The following ELMO1 variants were observed in gnomAD, a reference collection of about 807,000 sequenced individuals.
ELMO1 encodes engulfment and cell motility 1, also known as engulfment and cell motility protein 1.
In ELMO1, 26 loss-of-function variants were observed where a neutral mutation model predicts 98.9. The observed-to-expected ratio is 0.26, with a 90% CI of 0.19 to 0.36. ELMO1 has a LOEUF of 0.36. ELMO1 is among the 10% of genes least tolerant of loss of function. The probability of loss-of-function intolerance (pLI) is 1.00; values close to 1 mark genes in which losing one functional copy is unlikely to be tolerated. For missense variants in ELMO1, 627 were observed against 935.2 expected (o/e 0.67, Z 4.30); for synonymous variants, 346 against 346.0 (o/e 1.00, Z 0.00).
intron 16 of ELMO1, among the ~76,000 whole-genome samples, chr7:36,925,377 C>G (rs1785483965): frequency 6.6e-6 from 1 of 152,238 alleles, no homozygotes. Context: ...CCCAGCCCCT[C>G]AGATCCTCCC....
intron 1 of ELMO1, among the ~76,000 whole-genome samples, chr7:37,390,983 C>T (rs895278896): frequency 2.6e-5 from 4 of 151,786 alleles, no homozygotes; most frequent in African/African-American, 9.7e-5. Context: ...AAGCCCAAAT[C>T]AGGTATATTC....
At chr7:37,203,160 T>G (rs1052329938) in intron 13 of ELMO1, among the ~76,000 whole-genome samples, 1 of 152,106 alleles carries the variant, frequency 6.6e-6, no homozygotes, top group Non-Finnish European at 1.5e-5. Context: ...ATTGACACAT[T>G]CTCGAAAACC....
intron 1 of ELMO1, among the ~76,000 whole-genome samples, chr7:37,357,658 C>T (rs13247953): frequency 0.17 from 26,489 of 152,194 alleles, 2,954 homozygotes; most frequent in East Asian, 0.58. Flanking sequence ...TTTTTTCCTT[C>T]TCATCTCTTT....
At chr7:37,407,765 G>A (rs1337031955) in intron 1 of ELMO1, among the ~76,000 whole-genome samples, 2 of 152,090 alleles carry the variant, frequency 1.3e-5, no homozygotes, top group African/African-American at 2.4e-5. Context: ...TTATGCATTC[G>A]TTCAATCTCA....
intron 14 of ELMO1, among the ~76,000 whole-genome samples, chr7:37,112,453 A>G (rs1333633486): frequency 6.6e-6 from 1 of 152,150 alleles, no homozygotes; most frequent in Non-Finnish European, 1.5e-5. Context: ...TAGGAGCATC[A>G]CCAGTCAAGT....
chr7:37,196,025 G>T (rs371333492), intron 13 of ELMO1, among the ~76,000 whole-genome samples: 17 of 152,198 alleles, frequency 1.1e-4, no homozygotes, highest in Admixed American at 5.2e-4. Flanking sequence ...GAAGCAGGAA[G>T]ATGAGCACTC....
intron 20 of ELMO1, among the ~76,000 whole-genome samples, chr7:36,864,440 C>T (rs1802868608): frequency 6.6e-6 from 1 of 152,100 alleles, no homozygotes; most frequent in Non-Finnish European, 1.5e-5. Flanking sequence ...ACCAAAGCTG[C>T]CTGGGAGGGG....
intron 15 of ELMO1, 32 bp downstream of exon 15, chr7:37,096,587 T>C (rs1784374353): frequency 2.5e-6 from 4 of 1,599,180 alleles, no homozygotes; most frequent in Non-Finnish European, 3.4e-6. Flanking sequence ...CTCTGCCAGC[T>C]TCACACCCAT....
At chr7:37,400,571 C>T (rs182774241) in intron 1 of ELMO1, among the ~76,000 whole-genome samples, 21 of 152,276 alleles carry the variant, frequency 1.4e-4, no homozygotes, top group South Asian at 1.0e-3. Context: ...ATATTAAATG[C>T]CCATCTGAAA....
intron 14 of ELMO1, among the ~76,000 whole-genome samples, chr7:37,115,898 G>T (rs892062743): frequency 2.0e-5 from 3 of 152,260 alleles, no homozygotes; most frequent in Admixed American, 2.0e-4. Flanking sequence ...AAGACTGCAA[G>T]ATATTGGCTT....
intron 16 of ELMO1, among the ~76,000 whole-genome samples, chr7:36,965,180 G>C (rs116736809): frequency 6.6e-6 from 1 of 152,028 alleles, no homozygotes; most frequent in Non-Finnish European, 1.5e-5. Context: ...CCTAAGATCC[G>C]TTTCTCCCCA....
intron 16 of ELMO1, chr7:37,002,166 A>G (rs1157343107): frequency 6.6e-6 from 1 of 152,226 alleles, no homozygotes; most frequent in Non-Finnish European, 1.5e-5. Flanking sequence ...ACACTGAAGG[A>G]GCAGTGGCTA....
At chr7:37,204,579 C>A (rs116805061) in intron 13 of ELMO1, among the ~76,000 whole-genome samples, 1,632 of 152,312 alleles carry the variant, frequency 0.011, 34 homozygotes, top group African/African-American at 0.038. Flanking sequence ...TGGAAGGCGA[C>A]CCAAAGGGGT....
chr7:37,080,568 GC>G (rs571084779), intron 15 of ELMO1, among the ~76,000 whole-genome samples: 166 of 147,660 alleles, frequency 1.1e-3, no homozygotes, highest in African/African-American at 3.9e-3. Context: ...ATCCCAAGTA[GC>G]TGGGACTACA....
chr7:36,877,563 G>C (rs1036146112), intron 19 of ELMO1, among the ~76,000 whole-genome samples: 1 of 152,132 alleles, frequency 6.6e-6, no homozygotes, highest in Non-Finnish European at 1.5e-5. Context: ...AGCTATATTT[G>C]GCTCTGCCAT....
chr7:37,191,185 T>A (rs1359277103), intron 13 of ELMO1, among the ~76,000 whole-genome samples: 2 of 84,078 alleles, frequency 2.4e-5, no homozygotes, highest in African/African-American at 3.9e-5. Context: ...CAAGACTCTG[T>A]CTCAAAAAAA....
chr7:37,174,096 G>A (rs192896943), intron 13 of ELMO1, among the ~76,000 whole-genome samples: 116 of 152,236 alleles, frequency 7.6e-4, no homozygotes, highest in Non-Finnish European at 1.5e-3. Flanking sequence ...AACCATGACT[G>A]GGGGGCTTAA....
At chr7:37,066,269 A>G (rs986781192) in intron 15 of ELMO1, among the ~76,000 whole-genome samples, 4 of 152,198 alleles carry the variant, frequency 2.6e-5, no homozygotes, top group Non-Finnish European at 5.9e-5. Context: ...TCAAAACTGT[A>G]GGGCACTGAG....
chr7:36,956,631 G>A (rs866440673), intron 16 of ELMO1, among the ~76,000 whole-genome samples: 10 of 152,194 alleles, frequency 6.6e-5, no homozygotes, highest in African/African-American at 2.4e-4. Context: ...TAGACTTGAA[G>A]ACTACCAAGT....
Sources: allele counts gnomAD v4.1 joint callset (sites outside exome capture counted in the v4.1 genomes callset), GRCh38; gene constraint gnomAD v4.1.1; transcripts MANE v1.5; gene names NCBI Gene and HGNC (gene_info 2026-07-23, HGNC 2026-07-21).